The following SPMIP2 variants were observed in gnomAD, a reference collection of about 807,000 sequenced individuals.
SPMIP2 encodes the protein protein SPMIP2.
the SPMIP2 span, among the ~76,000 whole-genome samples, chr4:159,028,336 T>C: frequency 1.3e-5 from 2 of 152,060 alleles, no homozygotes; most frequent in Non-Finnish European, 2.9e-5. Context: ...TTTTAAGTAT[T>C]TTTTTTTCCT....
the SPMIP2 span, among the ~76,000 whole-genome samples, chr4:158,990,894 G>A: frequency 1.6e-4 from 25 of 152,004 alleles, no homozygotes; most frequent in African/African-American, 5.8e-4. Flanking sequence ...TTTGCAGATA[G>A]CTCAAATAAA....
the SPMIP2 span, among the ~76,000 whole-genome samples, chr4:158,935,548 G>T: frequency 6.6e-6 from 1 of 152,098 alleles, no homozygotes; most frequent in African/African-American, 2.4e-5. Context: ...AATTGTGCTT[G>T]TTTCTCTAAT....
the SPMIP2 span, among the ~76,000 whole-genome samples, chr4:159,050,019 A>G: frequency 6.6e-6 from 1 of 152,212 alleles, no homozygotes; most frequent in Non-Finnish European, 1.5e-5. Context: ...CGTTACTTTT[A>G]AAAATGTGCA....
the SPMIP2 span, among the ~76,000 whole-genome samples, chr4:158,979,609 G>A: frequency 5.3e-5 from 8 of 151,964 alleles, no homozygotes; most frequent in Non-Finnish European, 1.2e-4. Flanking sequence ...CTAGCCAAGG[G>A]AAGCCACGTG....
the SPMIP2 span, among the ~76,000 whole-genome samples, chr4:159,008,983 T>C: frequency 6.6e-6 from 1 of 152,228 alleles, no homozygotes; most frequent in African/African-American, 2.4e-5. Context: ...TTTGAGTCTA[T>C]AGCAGTGGTT....
chr4:159,075,633 T>C, the SPMIP2 span, among the ~76,000 whole-genome samples: 17 of 152,180 alleles, frequency 1.1e-4, no homozygotes, highest in African/African-American at 3.6e-4. Flanking sequence ...CAACAGCGTG[T>C]AGGACAAAGC....
At chr4:159,025,251 A>G in the SPMIP2 span, among the ~76,000 whole-genome samples, 6 of 152,148 alleles carry the variant, frequency 3.9e-5, no homozygotes, top group African/African-American at 1.4e-4. Context: ...TGCAACCTCT[A>G]TCCCCTGGGT....
chr4:158,897,720 T>C, the SPMIP2 span, among the ~76,000 whole-genome samples: 1 of 152,258 alleles, frequency 6.6e-6, no homozygotes, highest in Non-Finnish European at 1.5e-5. Context: ...TTAAGTTCTT[T>C]GTAGATTCTG....
At chr4:158,951,708 G>A in the SPMIP2 span, among the ~76,000 whole-genome samples, 1 of 152,252 alleles carries the variant, frequency 6.6e-6, no homozygotes, top group Non-Finnish European at 1.5e-5. Context: ...TAAACCTGCA[G>A]AGAATGTCAG....
At chr4:159,077,571 T>C in the SPMIP2 span, among the ~76,000 whole-genome samples, 1 of 152,328 alleles carries the variant, frequency 6.6e-6, no homozygotes, top group East Asian at 1.9e-4. Context: ...CATTATTTAA[T>C]AAGATGGCAT....
At chr4:158,980,621 T>C in the SPMIP2 span, among the ~76,000 whole-genome samples, 2 of 152,202 alleles carry the variant, frequency 1.3e-5, no homozygotes, top group Non-Finnish European at 2.9e-5. Flanking sequence ...GCCTGACTGT[T>C]ACAAGCAAAA....
chr4:159,072,407 C>T, the SPMIP2 span, among the ~76,000 whole-genome samples: 4 of 144,224 alleles, frequency 2.8e-5, no homozygotes, highest in Non-Finnish European at 4.6e-5. Flanking sequence ...TTGATCTTTT[C>T]TGTTATAGTG....
At chr4:159,027,741 C>T in the SPMIP2 span, among the ~76,000 whole-genome samples, 1 of 152,174 alleles carries the variant, frequency 6.6e-6, no homozygotes, top group South Asian at 2.1e-4. Flanking sequence ...ATTAGTATGA[C>T]AGTTTCACAG....
At chr4:159,030,463 TTTTATTTATTTATTTA>T in the SPMIP2 span, among the ~76,000 whole-genome samples, 867 of 142,398 alleles carry the variant, frequency 6.1e-3, 4 homozygotes, top group Non-Finnish European at 7.8e-3. Flanking sequence ...GAAAGCAAAA[TTTTATTTATTTATTTA>T]TTTATTTATT....
chr4:159,052,097 G>A, the SPMIP2 span, among the ~76,000 whole-genome samples: 4 of 152,058 alleles, frequency 2.6e-5, no homozygotes, highest in South Asian at 2.1e-4. Flanking sequence ...CAAATGATTC[G>A]GATGGAGGGA....
chr4:159,009,500 A>T, the SPMIP2 span, among the ~76,000 whole-genome samples: 1 of 152,216 alleles, frequency 6.6e-6, no homozygotes, highest in Non-Finnish European at 1.5e-5. Flanking sequence ...CAAGACTAGC[A>T]ATGTTGGCAT....
chr4:159,072,473 T>TAG, the SPMIP2 span, among the ~76,000 whole-genome samples: 1 of 48,836 alleles, frequency 2.0e-5, no homozygotes, highest in East Asian at 5.0e-4. Flanking sequence ...TTTTTTTTTT[T>TAG]GGAGATAGGG....
chr4:159,072,548 T>C, the SPMIP2 span, among the ~76,000 whole-genome samples: 8 of 146,822 alleles, frequency 5.4e-5, no homozygotes, highest in Non-Finnish European at 1.2e-4. Context: ...ACTGCAGTCT[T>C]AACCTCCTGG....
chr4:159,005,789 G>C, the SPMIP2 span, among the ~76,000 whole-genome samples: 1 of 151,978 alleles, frequency 6.6e-6, no homozygotes, highest in Non-Finnish European at 1.5e-5. Flanking sequence ...TTTTAAGAGG[G>C]AGTTTCACTC....
Sources: gnomAD v4.1 joint callset for allele counts (sites outside exome capture counted in the v4.1 genomes callset) on GRCh38, gnomAD v4.1.1 for gene constraint, MANE v1.5 for transcripts, NCBI Gene and HGNC (gene_info 2026-07-23, HGNC 2026-07-21) for gene names.